ADAMTS17: variants seen among roughly 807,000 people sequenced by gnomAD.
ADAMTS17 encodes the protein A disintegrin and metalloproteinase with thrombospondin motifs 17.
Under a neutral mutation model 141.5 loss-of-function variants are expected in ADAMTS17, and 113 were observed. The ratio of observed to expected loss-of-function variants is 0.80; its 90% CI spans 0.69 to 0.93. ADAMTS17 has a LOEUF of 0.93. Among genes scored for constraint, ADAMTS17 ranks in the 40% least tolerant of loss-of-function variants. ADAMTS17 has a pLI of 0.00. For missense variants in ADAMTS17, 1,659 were observed against 1,517.9 expected, an observed-to-expected ratio of 1.09 and a Z score of -1.54; for synonymous variants, 768 against 630.6, an observed-to-expected ratio of 1.22 and a Z score of -3.27.
At chr15:100,155,828 T>G (rs933490056) in intron 8 of ADAMTS17, among the ~76,000 whole-genome samples, 2 of 152,210 alleles carry the variant, frequency 1.3e-5, no homozygotes, top group Non-Finnish European at 2.9e-5. Flanking sequence ...TCTAACAAGA[T>G]CACACCTGTC....
intron 2 of ADAMTS17, among the ~76,000 whole-genome samples, chr15:100,339,984 A>C (rs2046316659): frequency 6.6e-6 from 1 of 152,238 alleles, no homozygotes. Context: ...AGATGGTGGC[A>C]CAAGAAAAGG....
In ADAMTS17 at chr15:99,997,495, T is replaced by C. The variant is rs2060825571; in HGVS notation, c.2686A>G (p.Thr896Ala). 3 of 1,613,538 alleles carry C rather than the reference T, an allele frequency of 1.9e-6. No homozygotes were observed. The highest frequency in any genetic ancestry group is 2.5e-6 in the Non-Finnish European group (3 of 1,179,992). ...TAGAGGGGCCGCGTAGCGACGTGTGTGCCGTTCTGCAGCTGGTACACGCAG... is the reference window on the plus strand; with the variant it reads ...TAGAGGGGCCGCGTAGCGACGTGTGCGCCGTTCTGCAGCTGGTACACGCAG... Reference protein sequence around the residue: ...VTCVYQLQNGTHVATRPLYCP... With the variant: ...VTCVYQLQNGAHVATRPLYCP... The change falls in exon 19 of 22, where the codon ACA becomes GCA. Residue 896 changes from threonine (T) to alanine (A), a missense_variant. Coordinates refer to ENST00000268070, the MANE Select transcript of ADAMTS17 (RefSeq NM_139057.4). The surrounding 1 kb of genome is among the most constrained non-coding windows in gnomAD (Gnocchi z 4.7).
At chr15:100,281,983 C>G (rs2142083186) in intron 3 of ADAMTS17, among the ~76,000 whole-genome samples, 1 of 152,282 alleles carries the variant, frequency 6.6e-6, no homozygotes, top group South Asian at 2.1e-4. Flanking sequence ...AAAATCTTCC[C>G]TTTCCTCACA....
At chr15:100,058,567 C>G (rs1180670278) in intron 15 of ADAMTS17, among the ~76,000 whole-genome samples, 1 of 152,216 alleles carries the variant, frequency 6.6e-6, no homozygotes, top group Non-Finnish European at 1.5e-5. Context: ...GAGGGCACAC[C>G]TGGAGACGGT....
At chr15:100,203,966 A>C (rs1285138001) in intron 7 of ADAMTS17, among the ~76,000 whole-genome samples, 1 of 151,780 alleles carries the variant, frequency 6.6e-6, no homozygotes, top group Non-Finnish European at 1.5e-5. Flanking sequence ...ATTTATCGAG[A>C]GAAGAGGCTC....
intron 4 of ADAMTS17, among the ~76,000 whole-genome samples, chr15:100,271,956 C>T (rs2142037028): frequency 6.6e-6 from 1 of 152,284 alleles, no homozygotes; most frequent in East Asian, 1.9e-4. Flanking sequence ...TTCCCAGCAC[C>T]AGTTCTTGAA....
intron 3 of ADAMTS17, among the ~76,000 whole-genome samples, chr15:100,318,367 T>G (rs2045630510): frequency 6.6e-6 from 1 of 151,236 alleles, no homozygotes; most frequent in Non-Finnish European, 1.5e-5. Flanking sequence ...AATGTGATGG[T>G]GTTGGAAGGT....
chr15:100,202,608 C>T (rs1031961702), intron 7 of ADAMTS17, among the ~76,000 whole-genome samples: 8 of 152,172 alleles, frequency 5.3e-5, no homozygotes, highest in African/African-American at 1.2e-4. Flanking sequence ...CATCCAGCTT[C>T]GCAGAAAACA....
At chr15:99,999,098 C>T (rs2060865724) in intron 18 of ADAMTS17, among the ~76,000 whole-genome samples, 1 of 152,170 alleles carries the variant, frequency 6.6e-6, no homozygotes, top group Non-Finnish European at 1.5e-5. Context: ...AGTGGCTCAT[C>T]TGCCCATCCA....
rs1173108143 is a variant in ADAMTS17 at position 100,123,269 on chromosome 15, G to C, written c.1722-6256C>G. On this transcript the variant is annotated intron_variant, in intron 12 of 21. Transcript: ENST00000268070. ...TCTTACTCACTCTGGAAGTTGCTCT[G>C]AGCTACGCAGTAAGGAGAAAAACAA... 5.3e-5 allele frequency among the ~76,000 whole-genome samples: 8 copies of C among 152,214 alleles called. No individual in the cohort carries two copies. The East Asian group carries it at 1.5e-3, about 29-fold the overall frequency.
At chr15:100,196,104 C>A (rs1388119541) in intron 8 of ADAMTS17, among the ~76,000 whole-genome samples, 1 of 152,172 alleles carries the variant, frequency 6.6e-6, no homozygotes, top group African/African-American at 2.4e-5. Context: ...GTTATTAATT[C>A]ATGGCTGAAG....
chr15:100,324,183 T>C (rs985674892), intron 3 of ADAMTS17, among the ~76,000 whole-genome samples: 1 of 152,090 alleles, frequency 6.6e-6, no homozygotes, highest in African/African-American at 2.4e-5. Flanking sequence ...TGGGCACCTG[T>C]GGTCCCAGCT....
intron 8 of ADAMTS17, among the ~76,000 whole-genome samples, chr15:100,188,079 C>CT (rs1161743369): frequency 4.9e-4 from 73 of 147,624 alleles, no homozygotes; most frequent in East Asian, 2.6e-3. Flanking sequence ...GCGAGGTCCT[C>CT]TTTTTTTTTT....
At chr15:100,075,571 A>C (rs2034314100) in intron 15 of ADAMTS17, among the ~76,000 whole-genome samples, 1 of 152,190 alleles carries the variant, frequency 6.6e-6, no homozygotes. Context: ...AGGTTCTCTA[A>C]AATTTAGATG....
intron 18 of ADAMTS17, among the ~76,000 whole-genome samples, chr15:100,013,065 C>T (rs533724155): frequency 2.4e-4 from 37 of 152,240 alleles, no homozygotes; most frequent in African/African-American, 7.5e-4. Context: ...TTTCTTTCAG[C>T]GGTGTTTTAT....
chr15:100,059,116 A>G (rs1051942013), intron 15 of ADAMTS17, among the ~76,000 whole-genome samples: 1 of 152,224 alleles, frequency 6.6e-6, no homozygotes, highest in Non-Finnish European at 1.5e-5. Context: ...GGGCACTCCA[A>G]CGAATTCTGA....
At chr15:100,152,917 G>A (rs144603403) in intron 9 of ADAMTS17, among the ~76,000 whole-genome samples, 155 bp from the exon 10 acceptor site, 59 of 152,236 alleles carry the variant, frequency 3.9e-4, no homozygotes, top group African/African-American at 1.3e-3. Flanking sequence ...CACAGACTGC[G>A]CTTTTTTGCT....
chr15:100,214,924 T>C (rs2041923359), intron 7 of ADAMTS17, among the ~76,000 whole-genome samples: 1 of 152,268 alleles, frequency 6.6e-6, no homozygotes, highest in Non-Finnish European at 1.5e-5. Context: ...ATTACTGCCC[T>C]GCAGAGACAA....
chr15:100,199,207 T>G, intron 8 of ADAMTS17, 111 bp downstream of exon 8: 1 of 1,043,950 alleles, frequency 9.6e-7, no homozygotes, highest in Non-Finnish European at 1.5e-6. Context: ...TTATTGCAGA[T>G]GCAGCAAAGG....
Sources: allele counts gnomAD v4.1 joint callset (sites outside exome capture counted in the v4.1 genomes callset), GRCh38; gene constraint gnomAD v4.1.1; non-coding constraint Gnocchi (gnomAD v3.1); transcripts MANE v1.5; gene names NCBI Gene and HGNC (gene_info 2026-07-23, HGNC 2026-07-21).